The following CLIC5 variants were observed in gnomAD, a reference collection of about 807,000 sequenced individuals.
The protein encoded by CLIC5 is CLIC family member 5.
CLIC5 carries 20 observed loss-of-function variants against 24.7 expected under a neutral mutation model. That is an observed-to-expected ratio of 0.81 (90% CI 0.57 to 1.18). The LOEUF is 1.18. CLIC5 is among the 50% of genes most tolerant of loss of function. The pLI is 0.00. For synonymous variants in CLIC5, 159 were observed against 135.6 expected, an observed-to-expected ratio of 1.17 and a Z score of -1.20; for missense variants, 341 against 326.1, an observed-to-expected ratio of 1.05 and a Z score of -0.35.
chr6:45,980,702 T>C (rs1431856654), intron 1 of CLIC5, among the ~76,000 whole-genome samples: 1 of 150,326 alleles, frequency 6.7e-6, no homozygotes, highest in African/African-American at 2.4e-5. Context: ...ATAATTCCAA[T>C]AATTAAAAAA....
chr6:45,949,508 T>C (rs2127379847), intron 2 of CLIC5, 127 bp from the exon 3 acceptor site: 1 of 1,058,036 alleles, frequency 9.5e-7, no homozygotes, highest in Non-Finnish European at 1.4e-6. Flanking sequence ...AACAGATTTA[T>C]GGTATGCAGT....
At chr6:45,940,643 T>G (rs1223706992) in intron 4 of CLIC5, among the ~76,000 whole-genome samples, 3 of 152,214 alleles carry the variant, frequency 2.0e-5, no homozygotes, top group African/African-American at 7.2e-5. Flanking sequence ...AGCACTTAAG[T>G]TGCTTGGCTT....
intron 1 of CLIC5, among the ~76,000 whole-genome samples, chr6:46,004,283 C>T (rs770171292): frequency 1.3e-5 from 2 of 152,178 alleles, no homozygotes; most frequent in Non-Finnish European, 2.9e-5. Context: ...TAGAGACTAG[C>T]TCCAAACCTG....
At chr6:45,997,017 A>G (rs1766168841) in intron 1 of CLIC5, among the ~76,000 whole-genome samples, 1 of 152,090 alleles carries the variant, frequency 6.6e-6, no homozygotes, top group South Asian at 2.1e-4. Context: ...TATACCCAAA[A>G]GACTATAAAT....
intron 2 of CLIC5, among the ~76,000 whole-genome samples, chr6:45,954,238 A>C (rs1477940350): frequency 6.8e-6 from 1 of 147,034 alleles, no homozygotes; most frequent in Non-Finnish European, 1.5e-5. Flanking sequence ...GTACCACTGC[A>C]CTCCAGCCTG....
intron 1 of CLIC5, among the ~76,000 whole-genome samples, chr6:45,955,529 C>T (rs192665482): frequency 7.9e-5 from 12 of 152,206 alleles, no homozygotes; most frequent in Admixed American, 1.3e-4. Flanking sequence ...AATAGACCTG[C>T]AACATCACTT....
In CLIC5 at chr6:45,900,631, C is replaced by G. The variant is rs565637530; in HGVS notation, c.*2457G>C. Reference sequence around the variant, plus strand: ...ATAACTAACTCTTAGTCCATAGTCACTTGCATTATATGATAATCCAGTGCT... The same window carrying G: ...ATAACTAACTCTTAGTCCATAGTCAGTTGCATTATATGATAATCCAGTGCT... On this transcript the variant is annotated 3_prime_UTR_variant, in exon 6 of 6. Coordinates refer to ENST00000339561, the MANE Select transcript of CLIC5 (RefSeq NM_016929.5). The G allele has an allele frequency of 6.6e-6, 1 of 151,958 alleles. No individual in the cohort carries two copies. The highest frequency in any genetic ancestry group is 2.4e-5 in the African/African-American group (1 of 41,404). The allele number at this position is 151,958 out of a possible 1,614,324, so 9.4% of individuals were successfully genotyped here.
upstream of CLIC5, among the ~76,000 whole-genome samples, chr6:46,019,538 T>C (rs1212996199): frequency 6.8e-6 from 1 of 146,150 alleles, no homozygotes; most frequent in East Asian, 2.0e-4. Flanking sequence ...TACAAAAAAT[T>C]AGCCGGGCGC....
At position 46,021,482 on chromosome 6, in the gene CLIC5, T is replaced by TC. The variant is rs1331574991; in HGVS notation, c.540+58220_540+58221insG. On this transcript the variant is annotated intron_variant, in intron 1 of 5. Coordinates refer to the CLIC5 transcript ENST00000185206. The stretch of plus-strand genomic sequence containing the variant: ...TACATAAAACCTTGGTACATAAATT[T>TC]TTTTTTACAAAAGTATTATTCATAA... Among the ~76,000 whole-genome samples the TC allele has an allele frequency of 2.6e-5, 4 of 152,224 alleles. No homozygotes were observed. In the East Asian group the frequency reaches 7.7e-4, roughly 29 times the overall value.
At chr6:46,125,081 A>G in the CLIC5 span, among the ~76,000 whole-genome samples, 1 of 152,218 alleles carries the variant, frequency 6.6e-6, no homozygotes, top group Non-Finnish European at 1.5e-5. Flanking sequence ...AACTAGGTAT[A>G]TACCCAAAGG....
In CLIC5 at chr6:45,927,085, G is replaced by A. The variant is rs1161605102; in HGVS notation, c.407-12676C>T. Among the ~76,000 whole-genome samples, 4 of 152,172 alleles carry A rather than the reference G, an allele frequency of 2.6e-5. No homozygotes were observed. In the South Asian group the frequency reaches 6.2e-4, roughly 24 times the overall value. ...CAGGAAGTGGCTGGAGGACGTGCCC[G>A]TGGCTCTGATGAGGCCCCGTCATCA... On this transcript the variant is annotated intron_variant, in intron 4 of 5. Coordinates refer to ENST00000339561, the MANE Select transcript of CLIC5 (RefSeq NM_016929.5).
At chr6:46,087,610 C>T in the CLIC5 span, among the ~76,000 whole-genome samples, 5 of 152,150 alleles carry the variant, frequency 3.3e-5, no homozygotes, top group Admixed American at 1.3e-4. Context: ...CTTCTCATCC[C>T]CTCTCTGCGG....
Position 45,926,243 on chromosome 6 carries a change from ATTTTATTTT to A in CLIC5, c.407-11843_407-11835del, listed in dbSNP as rs1156255198. Among the ~76,000 whole-genome samples, 484 of 141,586 alleles carry A rather than the reference ATTTTATTTT, an allele frequency of 3.4e-3. 2 individuals are homozygous for A. The highest frequency in any genetic ancestry group is 4.9e-3 in the Admixed American group (70 of 14,304). 92.9% of individuals were successfully genotyped at this position (141,586 alleles called of 152,430 possible). ...CATACATATACATATATATATATAT[ATTTTATTTT>A]TTTTATTTTTTTTGAAATGGAGTCT... On this transcript the variant is annotated intron_variant, in intron 4 of 5. Coordinates refer to ENST00000339561, the MANE Select transcript of CLIC5 (RefSeq NM_016929.5).
chr6:45,897,433 G>A (rs1344536765), downstream of CLIC5, among the ~76,000 whole-genome samples: 1 of 152,028 alleles, frequency 6.6e-6, no homozygotes, highest in Admixed American at 6.6e-5. Flanking sequence ...GTGTAGGGTG[G>A]GGGAGTAGGG....
chr6:46,124,454 T>A, the CLIC5 span, among the ~76,000 whole-genome samples: 47 of 151,926 alleles, frequency 3.1e-4, no homozygotes, highest in South Asian at 8.9e-3. Flanking sequence ...TAAATGTTAG[T>A]CCTAAAACCA....
intron 1 of CLIC5, among the ~76,000 whole-genome samples, chr6:46,008,672 T>C (rs1378194467): frequency 6.6e-6 from 1 of 152,130 alleles, no homozygotes; most frequent in East Asian, 1.9e-4. Context: ...ACTATCTCCT[T>C]CATGCATTGC....
intron 1 of CLIC5, among the ~76,000 whole-genome samples, chr6:46,001,853 T>G (rs1024522130): frequency 2.0e-5 from 3 of 152,152 alleles, no homozygotes; most frequent in Non-Finnish European, 4.4e-5. Context: ...GATACTGGAT[T>G]AAACAGAGTG....
intron 1 of CLIC5, among the ~76,000 whole-genome samples, chr6:46,034,123 G>T (rs75875527): frequency 6.6e-6 from 1 of 152,192 alleles, no homozygotes; most frequent in Non-Finnish European, 1.5e-5. Context: ...CAAATTTGCC[G>T]TGGGGAGACC....
intron 1 of CLIC5, among the ~76,000 whole-genome samples, chr6:45,973,408 G>A (rs1341972800): frequency 1.3e-5 from 2 of 152,188 alleles, no homozygotes; most frequent in African/African-American, 4.8e-5. Context: ...CTCGCTTGCA[G>A]CTAACTCTTT....
Sources: allele counts gnomAD v4.1 joint callset (sites outside exome capture counted in the v4.1 genomes callset), GRCh38; gene constraint gnomAD v4.1.1; transcripts MANE v1.5; gene names NCBI Gene and HGNC (gene_info 2026-07-23, HGNC 2026-07-21).